Variants in CELF2 observed in about 807,000 individuals in gnomAD.
CELF2 encodes the protein CUGBP Elav-like family member 2, also known as CUG triplet repeat RNA-binding protein 2.
Under a neutral mutation model 62.6 loss-of-function variants are expected in CELF2, and 8 were observed. The observed-to-expected ratio is 0.13, with a 90% CI of 0.07 to 0.23. The LOEUF (loss-of-function observed/expected upper bound fraction) is 0.23, where lower values mean the gene tolerates loss of function less well. Ranked by LOEUF, CELF2 falls within the 10% of genes least tolerant of loss-of-function variation. The probability of loss-of-function intolerance (pLI) is 1.00; values close to 1 mark genes in which losing one functional copy is unlikely to be tolerated. For missense variants in CELF2, 333 were observed against 671.0 expected, an observed-to-expected ratio of 0.50 and a Z score of 5.56; for synonymous variants, 258 against 250.0, an observed-to-expected ratio of 1.03 and a Z score of -0.30.
intron 1 of CELF2, among the ~76,000 whole-genome samples, chr10:10,872,652 A>G (rs1358155945): frequency 6.8e-6 from 1 of 147,284 alleles, no homozygotes; most frequent in Non-Finnish European, 1.5e-5. Context: ...AACCCACAGA[A>G]GCAAAACAAC....
chr10:10,645,588 AGG>A, the CELF2 span, among the ~76,000 whole-genome samples: 4 of 152,214 alleles, frequency 2.6e-5, no homozygotes, highest in South Asian at 8.3e-4. Context: ...CAGAAGTTCA[AGG>A]CTGCAGGGAG....
chr10:11,187,852 A>G (rs967347593), intron 2 of CELF2, among the ~76,000 whole-genome samples: 1 of 152,130 alleles, frequency 6.6e-6, no homozygotes, highest in East Asian at 1.9e-4. Flanking sequence ...ATTTTGTTTA[A>G]TTGGCCAAAT....
At chr10:10,599,725 C>CTT in the CELF2 span, among the ~76,000 whole-genome samples, 31,228 of 134,382 alleles carry the variant, frequency 0.23, 3,757 homozygotes, top group South Asian at 0.48. Flanking sequence ...TTCTTTCTTT[C>CTT]TTTTTTTTTT....
At chr10:10,781,448 T>C in the CELF2 span, among the ~76,000 whole-genome samples, 2 of 152,048 alleles carry the variant, frequency 1.3e-5, no homozygotes, top group Non-Finnish European at 2.9e-5. Flanking sequence ...GGCCTCACAA[T>C]CTATGGCAGA....
At chr10:10,715,784 C>A in the CELF2 span, among the ~76,000 whole-genome samples, 2 of 152,126 alleles carry the variant, frequency 1.3e-5, no homozygotes, top group Non-Finnish European at 2.9e-5. Context: ...TGAAAACTCT[C>A]TGGGAAGCAT....
intron 1 of CELF2, among the ~76,000 whole-genome samples, chr10:11,021,559 C>A (rs1247769639): frequency 3.3e-5 from 5 of 152,138 alleles, no homozygotes; most frequent in Admixed American, 6.5e-5. Context: ...CTGCCTCCCC[C>A]CAAAATAAGG....
rs189262549 is a variant in CELF2, at chr10:11,217,036, C to T, written c.272-389C>T. Reference sequence around the variant, plus strand: ...TCAAAAACCTGACGTTCTGGAGATACACTTTAAGAAAATTATAATTAATGT... The same window carrying T: ...TCAAAAACCTGACGTTCTGGAGATATACTTTAAGAAAATTATAATTAATGT... On this transcript the variant is annotated intron_variant, in intron 2 of 12. Coordinates refer to ENST00000633077, the MANE Select transcript of CELF2 (RefSeq NM_001326342.2). This position sits in a 1 kb window ranked among gnomAD's most constrained non-coding sequence, Gnocchi z 5.6. Among the ~76,000 whole-genome samples, 2 of 152,350 alleles carry T rather than the reference C, an allele frequency of 1.3e-5. No individual in the cohort carries two copies. The highest frequency in any genetic ancestry group is 1.9e-4 in the East Asian group (1 of 5,188).
At chr10:10,697,204 T>C in the CELF2 span, among the ~76,000 whole-genome samples, 1 of 151,504 alleles carries the variant, frequency 6.6e-6, no homozygotes, top group African/African-American at 2.4e-5. Flanking sequence ...ATATAGAGGG[T>C]AATAAATGAG....
chr10:11,307,583 A>C (rs1468457760), intron 9 of CELF2, among the ~76,000 whole-genome samples: 1 of 152,226 alleles, frequency 6.6e-6, no homozygotes, highest in Non-Finnish European at 1.5e-5. Flanking sequence ...TAGATTATTT[A>C]ATCTTTACAA....
intron 1 of CELF2, among the ~76,000 whole-genome samples, chr10:11,058,928 T>G (rs904995597): frequency 8.5e-5 from 13 of 152,178 alleles, no homozygotes; most frequent in Non-Finnish European, 1.3e-4. Context: ...TAACAAGCAT[T>G]TATCACCATG....
At chr10:10,530,869 G>C in the CELF2 span, among the ~76,000 whole-genome samples, 1 of 152,090 alleles carries the variant, frequency 6.6e-6, no homozygotes, top group South Asian at 2.1e-4. Flanking sequence ...AGAATAGAAT[G>C]GTCTTTTTAA....
At chr10:10,645,095 T>C in the CELF2 span, among the ~76,000 whole-genome samples, 1 of 152,270 alleles carries the variant, frequency 6.6e-6, no homozygotes, top group Admixed American at 6.5e-5. Flanking sequence ...TGAAAGAACA[T>C]GGATGCTTTC....
At chr10:11,294,903 CT>C (rs1203273933) in intron 9 of CELF2, among the ~76,000 whole-genome samples, 1 of 152,174 alleles carries the variant, frequency 6.6e-6, no homozygotes, top group Non-Finnish European at 1.5e-5. Flanking sequence ...GAGTGAGGCT[CT>C]TTCTCAACAA....
In CELF2 at chr10:11,270,647, C is replaced by T. The variant is rs2083499016; in HGVS notation, c.619-19C>T. ...CAGCCTGTAACCCCCTCTCCACTTT[C>T]CAATGTGTCTGACCACAGGGCTGCT... On this transcript the variant is annotated intron_variant, in intron 6 of 12. Transcript: ENST00000633077. The surrounding 1 kb of genome is among the most constrained non-coding windows in gnomAD (Gnocchi z 5.8). The T allele has an allele frequency of 7.1e-7, 1 of 1,411,960 alleles. No individual in the cohort carries two copies. The highest frequency in any genetic ancestry group is 1.7e-5 in the South Asian group (1 of 59,248). 87.5% of individuals were successfully genotyped at this position (1,411,960 alleles called of 1,614,324 possible).
chr10:10,480,061 T>C, the CELF2 span, among the ~76,000 whole-genome samples: 2 of 152,206 alleles, frequency 1.3e-5, no homozygotes, highest in Admixed American at 1.3e-4. Context: ...ATCTTATTTA[T>C]GAATCTGACT....
At chr10:11,066,712 G>A (rs566128943) in intron 1 of CELF2, among the ~76,000 whole-genome samples, 3 of 147,880 alleles carry the variant, frequency 2.0e-5, no homozygotes, top group South Asian at 4.3e-4. Context: ...TGTGTCTGTC[G>A]GGGATAAGGA....
the CELF2 span, among the ~76,000 whole-genome samples, chr10:10,490,148 C>T: frequency 6.6e-6 from 1 of 152,142 alleles, no homozygotes; most frequent in Non-Finnish European, 1.5e-5. Context: ...CCATTTGTAA[C>T]AGTAACAGAA....
chr10:10,466,928 C>G, the CELF2 span, among the ~76,000 whole-genome samples: 1 of 151,944 alleles, frequency 6.6e-6, no homozygotes, highest in Non-Finnish European at 1.5e-5. Flanking sequence ...ATTTTTTCTC[C>G]TGGATAGACA....
the CELF2 span, among the ~76,000 whole-genome samples, chr10:10,767,349 G>C: frequency 1.3e-5 from 2 of 152,110 alleles, no homozygotes; most frequent in Non-Finnish European, 2.9e-5. Context: ...CTTCCAGATT[G>C]ACTGAGGCCT....
Sources: allele counts gnomAD v4.1 joint callset (sites outside exome capture counted in the v4.1 genomes callset), GRCh38; gene constraint gnomAD v4.1.1; non-coding constraint Gnocchi (gnomAD v3.1); transcripts MANE v1.5; gene names NCBI Gene and HGNC (gene_info 2026-07-23, HGNC 2026-07-21).